Variants in WDR86 observed in about 807,000 individuals in gnomAD.
WDR86 encodes the protein WD repeat-containing protein 86.
A neutral mutation model predicts 36.5 loss-of-function variants in WDR86; 30 were observed. That is an observed-to-expected ratio of 0.82 (90% confidence interval 0.61 to 1.11). WDR86 has a LOEUF of 1.11. Among genes scored for constraint, WDR86 ranks in the 50% most tolerant of loss-of-function variants. The pLI is 0.00. For missense variants in WDR86, 545 were observed against 561.2 expected (o/e 0.97, Z 0.29); for synonymous variants, 255 against 252.9 (o/e 1.01, Z -0.08).
chr7:151,408,963 C>A, intron 1 of WDR86: 1 of 473,566 alleles, frequency 2.1e-6, no homozygotes, highest in South Asian at 1.5e-5. Context: ...GCACCGCTGG[C>A]CCTTAACAAG....
At chr7:151,385,857 C>T (rs531377456) in intron 3 of WDR86, among the ~76,000 whole-genome samples, 14 of 152,244 alleles carry the variant, frequency 9.2e-5, no homozygotes, top group Admixed American at 3.9e-4. Flanking sequence ...CCAAGATGGA[C>T]GGGAGTAGCG....
chr7:151,391,049 C>A (rs1799397712), intron 3 of WDR86, among the ~76,000 whole-genome samples: 1 of 152,244 alleles, frequency 6.6e-6, no homozygotes, highest in Admixed American at 6.5e-5. Flanking sequence ...TCCTGTGGGT[C>A]CCCCTCCTGT....
At chr7:151,393,796 C>T (rs1799612521) in intron 3 of WDR86, among the ~76,000 whole-genome samples, 2 of 152,152 alleles carry the variant, frequency 1.3e-5, no homozygotes, top group Non-Finnish European at 2.9e-5. Context: ...GCCACTAGTG[C>T]TGACTCTCAC....
chr7:151,402,363 T>C (rs1800406739), intron 1 of WDR86, among the ~76,000 whole-genome samples: 1 of 151,968 alleles, frequency 6.6e-6, no homozygotes, highest in Admixed American at 6.6e-5. Flanking sequence ...GCACCAAGCA[T>C]CCTCCTTTGT....
At chr7:151,375,512 G>T (rs1798174858), downstream of WDR86, among the ~76,000 whole-genome samples, 1 of 152,208 alleles carries the variant, frequency 6.6e-6, no homozygotes, top group Non-Finnish European at 1.5e-5. Context: ...CGCTTTCAAA[G>T]ATCAATCAGG....
chr7:151,399,233 T>C (rs1800108726), intron 2 of WDR86, among the ~76,000 whole-genome samples: 1 of 152,218 alleles, frequency 6.6e-6, no homozygotes, highest in Non-Finnish European at 1.5e-5. Context: ...TGCAGCCACC[T>C]GCGACTCCAG....
At chr7:151,377,371 A>AGG (rs371804068), downstream of WDR86, 1 of 552,970 alleles carries the variant, frequency 1.8e-6, no homozygotes, top group African/African-American at 1.9e-5. Context: ...CAAGTCCAGG[A>AGG]GGGGTCCCAG....
chr7:151,381,806 C>A lies in WDR86; in HGVS notation c.967-60G>T. ...GGTAGGCGGGGGGGACACCGCTGCC[C>A]GCGTGGATGGATCGGGGCGGGGCAC... On this transcript the variant is annotated intron_variant, in intron 5 of 5. Transcript: ENST00000334493. This position sits in a 1 kb window ranked among gnomAD's most constrained non-coding sequence, Gnocchi z 4.8. 2 of 1,525,570 alleles carry A rather than the reference C, an allele frequency of 1.3e-6. No individual in the cohort carries two copies. The highest frequency in any genetic ancestry group is 1.8e-6 in the Non-Finnish European group (2 of 1,133,672). 94.5% of individuals were successfully genotyped at this position (1,525,570 alleles called of 1,614,324 possible). A position where few individuals can be genotyped will look rare whatever the true frequency, so the allele number is the denominator to read the frequency against.
intron 4 of WDR86, among the ~76,000 whole-genome samples, 160 bp downstream of exon 4, chr7:151,384,928 A>C (rs1229087438): frequency 6.6e-6 from 1 of 152,264 alleles, no homozygotes; most frequent in East Asian, 1.9e-4. Context: ...TTTGCAAAAC[A>C]GCTGGAAGCA....
chr7:151,370,623 A>T, the WDR86 span, among the ~76,000 whole-genome samples: 2 of 151,774 alleles, frequency 1.3e-5, no homozygotes, highest in Non-Finnish European at 2.9e-5. Flanking sequence ...TACATGTGCC[A>T]TGCTGGTGCG....
intron 3 of WDR86, among the ~76,000 whole-genome samples, chr7:151,393,958 C>T (rs771907872): frequency 8.5e-5 from 13 of 152,080 alleles, no homozygotes; most frequent in African/African-American, 9.7e-5. Context: ...TTAAAAGGCA[C>T]GCAAAAAACA....
intron 3 of WDR86, among the ~76,000 whole-genome samples, chr7:151,386,925 T>G (rs1799027652): frequency 6.6e-6 from 1 of 152,206 alleles, no homozygotes; most frequent in Admixed American, 6.5e-5. Flanking sequence ...GCCCTTGTAC[T>G]GTGATCCTCC....
chr7:151,385,112 C>T lies in WDR86; in HGVS notation c.838G>A (p.Ala280Thr), dbSNP rs201530566. The T allele has an allele frequency of 1.3e-4, 208 of 1,609,616 alleles. 1 individual carries two copies. The Admixed American group carries it at 2.1e-3, about 17-fold the overall frequency. Residue 280 changes from alanine (A) to threonine (T), a missense_variant, in exon 4 of 6, where the codon GCC becomes ACC. Physicochemically the swap from Ala to Thr is moderately conservative, Grantham distance 58. Coordinates refer to ENST00000334493, the MANE Select transcript of WDR86 (RefSeq NM_198285.3). The stretch of plus-strand genomic sequence containing the variant: ...CAGGTGCCCGCGTGGTACTTGAGGG[C>T]GCTCACGTTGCGTCTGTGGGCCGTG... Reference protein sequence around the residue: ...TFTAHRRNVSALKYHAGTLFT... With the variant: ...TFTAHRRNVSTLKYHAGTLFT...
intron 1 of WDR86, among the ~76,000 whole-genome samples, chr7:151,403,838 G>GAT (rs1213174926): frequency 6.6e-6 from 1 of 152,234 alleles, no homozygotes; most frequent in African/African-American, 2.4e-5. Context: ...GGGCTCAGCA[G>GAT]AGAGATTGCG....
chr7:151,404,823 C>T (rs1046873091), intron 1 of WDR86, among the ~76,000 whole-genome samples: 1 of 152,228 alleles, frequency 6.6e-6, no homozygotes, highest in Non-Finnish European at 1.5e-5. Flanking sequence ...CTTCCTCCCC[C>T]ACCACCCCAA....
Position 151,395,890 on chromosome 7 carries a change from G to T in WDR86, c.612C>A (p.Pro204=). Residue 204 remains proline (P), a synonymous_variant, in exon 3 of 6, where the codon CCC becomes CCA. Transcript: ENST00000334493. ...GAVLCLVLDT[P]GHTAFTGSTD... is the part of the protein sequence containing the mutation. ...TGCTGCCTGTGAAGGCCGTGTGGCC[G>T]GGCGTGTCTAGCACTAGGCACAGCA... 1 of 1,602,304 alleles carries T rather than the reference G, an allele frequency of 6.2e-7. No homozygotes were observed. The highest frequency in any genetic ancestry group is 2.2e-5 in the East Asian group (1 of 44,454).
At chr7:151,397,627 GTAGCGGGAGGAAGGGCA>G (rs74205731) in intron 2 of WDR86, among the ~76,000 whole-genome samples, 7 of 144,860 alleles carry the variant, frequency 4.8e-5, no homozygotes, top group East Asian at 2.1e-4. Flanking sequence ...GGAAGAGGGT[GTAGCGGGAGGAAGGGCA>G]TAGCGGGAGG....
chr7:151,380,293 G>A (rs892163938), downstream of WDR86, among the ~76,000 whole-genome samples: 7 of 152,310 alleles, frequency 4.6e-5, no homozygotes, highest in African/African-American at 1.4e-4. Flanking sequence ...ATCCGCGCCC[G>A]AGGGCGGACC....
chr7:151,398,871 G>A (rs751451092), intron 2 of WDR86, among the ~76,000 whole-genome samples: 3 of 152,136 alleles, frequency 2.0e-5, no homozygotes, highest in African/African-American at 7.2e-5. Context: ...CCTTCTCCCC[G>A]CTGAGCCCAT....
Sources: allele counts gnomAD v4.1 joint callset (sites outside exome capture counted in the v4.1 genomes callset), GRCh38; gene constraint gnomAD v4.1.1; non-coding constraint Gnocchi (gnomAD v3.1); transcripts MANE v1.5; gene names NCBI Gene and HGNC (gene_info 2026-07-23, HGNC 2026-07-21).